The following ENTREP2 variants were observed in gnomAD, a reference collection of about 807,000 sequenced individuals.
ENTREP2 encodes endosomal transmembrane epsin interactor 2.
chr15:29,317,911 C>T, the ENTREP2 span, among the ~76,000 whole-genome samples: 1 of 152,190 alleles, frequency 6.6e-6, no homozygotes, highest in Non-Finnish European at 1.5e-5. Flanking sequence ...CTCTGGCTAG[C>T]TCTCAAGGTG....
At chr15:29,288,638 C>T in the ENTREP2 span, among the ~76,000 whole-genome samples, 1 of 152,178 alleles carries the variant, frequency 6.6e-6, no homozygotes, top group Non-Finnish European at 1.5e-5. Flanking sequence ...TAGTATTCAG[C>T]ACAGTAACGT....
At chr15:29,659,973 T>G in the ENTREP2 span, among the ~76,000 whole-genome samples, 4 of 152,000 alleles carry the variant, frequency 2.6e-5, no homozygotes, top group South Asian at 8.3e-4. Flanking sequence ...TAATTTTTTT[T>G]GTATTTTTAG....
At chr15:29,297,167 G>A in the ENTREP2 span, among the ~76,000 whole-genome samples, 26 of 152,234 alleles carry the variant, frequency 1.7e-4, no homozygotes, top group African/African-American at 3.1e-4. Context: ...ACACTCAGCC[G>A]TATCACATTT....
the ENTREP2 span, among the ~76,000 whole-genome samples, chr15:29,357,663 T>C: frequency 6.6e-5 from 10 of 151,826 alleles, no homozygotes; most frequent in South Asian, 8.3e-4. Context: ...TGGTGAAACC[T>C]CGTCTCTACT....
At chr15:29,223,939 G>A in the ENTREP2 span, among the ~76,000 whole-genome samples, 202 of 152,254 alleles carry the variant, frequency 1.3e-3, no homozygotes, top group African/African-American at 4.5e-3. Context: ...CCCAGCTCGC[G>A]CCCAGCTCTG....
chr15:29,326,598 T>C, the ENTREP2 span, among the ~76,000 whole-genome samples: 1 of 152,114 alleles, frequency 6.6e-6, no homozygotes, highest in Non-Finnish European at 1.5e-5. Flanking sequence ...ATATTCCATG[T>C]TCATGGACAG....
chr15:29,657,208 G>A, the ENTREP2 span, among the ~76,000 whole-genome samples: 2 of 149,340 alleles, frequency 1.3e-5, no homozygotes, highest in African/African-American at 5.1e-5. Context: ...CCACCACGCC[G>A]CGCCAGCTTT....
the ENTREP2 span, among the ~76,000 whole-genome samples, chr15:29,228,655 G>A: frequency 9.2e-5 from 14 of 152,034 alleles, no homozygotes; most frequent in Non-Finnish European, 1.8e-4. Context: ...ACTTTCATAA[G>A]TAGAATAATA....
At chr15:29,615,959 A>G in the ENTREP2 span, among the ~76,000 whole-genome samples, 2 of 152,208 alleles carry the variant, frequency 1.3e-5, no homozygotes, top group South Asian at 2.1e-4. Flanking sequence ...CCTCATGCAC[A>G]TGCCATGGCA....
At chr15:29,407,613 C>A in the ENTREP2 span, among the ~76,000 whole-genome samples, 1 of 152,114 alleles carries the variant, frequency 6.6e-6, no homozygotes, top group African/African-American at 2.4e-5. Flanking sequence ...AAGGAGGGAG[C>A]AGGTGACCTG....
At chr15:29,630,939 C>T in the ENTREP2 span, among the ~76,000 whole-genome samples, 1 of 152,202 alleles carries the variant, frequency 6.6e-6, no homozygotes, top group South Asian at 2.1e-4. Context: ...GCCTCGGCCT[C>T]TCAAAATGGT....
At chr15:29,636,793 A>G in the ENTREP2 span, among the ~76,000 whole-genome samples, 4 of 152,342 alleles carry the variant, frequency 2.6e-5, no homozygotes, top group East Asian at 5.8e-4. Flanking sequence ...TTTGTAAGAC[A>G]TGAATATAGC....
chr15:29,129,823 G>A, the ENTREP2 span, among the ~76,000 whole-genome samples: 13 of 152,258 alleles, frequency 8.5e-5, no homozygotes, highest in Non-Finnish European at 1.8e-4. Context: ...TGGATGTGAT[G>A]CCAGCTACAC....
the ENTREP2 span, among the ~76,000 whole-genome samples, chr15:29,289,925 AT>A: frequency 6.6e-6 from 1 of 152,192 alleles, no homozygotes; most frequent in Non-Finnish European, 1.5e-5. Context: ...AATAATCTAA[AT>A]GTCCATCAAC....
chr15:29,360,316 A>C, the ENTREP2 span, among the ~76,000 whole-genome samples: 7 of 152,250 alleles, frequency 4.6e-5, no homozygotes, highest in South Asian at 4.2e-4. Flanking sequence ...TCAGCATATT[A>C]GATTTTTTCT....
chr15:29,293,258 C>T, the ENTREP2 span, among the ~76,000 whole-genome samples: 1 of 147,062 alleles, frequency 6.8e-6, no homozygotes, highest in Non-Finnish European at 1.5e-5. Flanking sequence ...TTTATTGACT[C>T]TTTTTTTTTT....
the ENTREP2 span, among the ~76,000 whole-genome samples, chr15:29,567,985 GAAC>G: frequency 6.6e-6 from 1 of 152,114 alleles, no homozygotes; most frequent in Non-Finnish European, 1.5e-5. Context: ...CTTAAATGAC[GAAC>G]AACCTTGGCA....
chr15:29,640,642 C>T, the ENTREP2 span, among the ~76,000 whole-genome samples: 7,029 of 133,428 alleles, frequency 0.053, 184 homozygotes, highest in African/African-American at 0.07. Flanking sequence ...AGAGTGAGGG[C>T]CTGTCTCAAA....
chr15:29,137,147 A>G, the ENTREP2 span: 1 of 1,481,342 alleles, frequency 6.8e-7, no homozygotes, highest in Non-Finnish European at 8.9e-7. Flanking sequence ...CGGTGCCGTG[A>G]GGAGTCACGC....
Sources: allele counts gnomAD v4.1 joint callset (sites outside exome capture counted in the v4.1 genomes callset), GRCh38; gene constraint gnomAD v4.1.1; transcripts MANE v1.5; gene names NCBI Gene and HGNC (gene_info 2026-07-23, HGNC 2026-07-21).